The following OLFM3 variants were observed in gnomAD, a reference collection of about 807,000 sequenced individuals.
OLFM3 encodes the protein olfactomedin 3.
A neutral mutation model predicts 48.6 loss-of-function variants in OLFM3; 20 were observed. The ratio of observed to expected loss-of-function variants is 0.41; its 90% confidence interval spans 0.29 to 0.60. The LOEUF is 0.60. OLFM3 is among the 20% of genes least tolerant of loss of function. The pLI, the probability that OLFM3 is intolerant of heterozygous loss-of-function variation, is 0.28. For missense variants in OLFM3, 437 were observed against 544.3 expected (o/e 0.80, Z 1.96); for synonymous variants, 222 against 198.1 (o/e 1.12, Z -1.01).
At chr1:101,976,647 G>A (rs1439482996) in intron 1 of OLFM3, among the ~76,000 whole-genome samples, 1 of 152,108 alleles carries the variant, frequency 6.6e-6, no homozygotes, top group African/African-American at 2.4e-5. Context: ...TAAGTAAACT[G>A]AGGCTTGTAG....
chr1:101,935,136 A>G (rs1259056280), intron 1 of OLFM3, among the ~76,000 whole-genome samples: 1 of 151,958 alleles, frequency 6.6e-6, no homozygotes, highest in Non-Finnish European at 1.5e-5. Flanking sequence ...GAACTGAAGG[A>G]GGTTGATCTT....
intron 1 of OLFM3, among the ~76,000 whole-genome samples, chr1:101,990,814 C>T (rs1661377809): frequency 6.6e-6 from 1 of 150,630 alleles, no homozygotes; most frequent in South Asian, 2.1e-4. Context: ...GAGACCCCGT[C>T]TCTACTAAAA....
intron 1 of OLFM3, among the ~76,000 whole-genome samples, chr1:101,837,476 G>A (rs1204475907): frequency 6.6e-6 from 1 of 152,060 alleles, no homozygotes; most frequent in Non-Finnish European, 1.5e-5. Flanking sequence ...GTTTCAAGGA[G>A]GTTTCCCATA....
chr1:101,970,645 A>G (rs931686514), intron 1 of OLFM3, among the ~76,000 whole-genome samples: 3 of 152,192 alleles, frequency 2.0e-5, no homozygotes, highest in African/African-American at 7.2e-5. Context: ...TTAGATCCTC[A>G]CCTTCTACTG....
At chr1:101,979,591 C>A (rs984353817) in intron 1 of OLFM3, among the ~76,000 whole-genome samples, 1 of 152,086 alleles carries the variant, frequency 6.6e-6, no homozygotes, top group Non-Finnish European at 1.5e-5. Context: ...TGAGGCTTAC[C>A]CAGCAATGTG....
At chr1:101,832,539 C>A (rs1570536938) in intron 2 of OLFM3, among the ~76,000 whole-genome samples, 1 of 152,140 alleles carries the variant, frequency 6.6e-6, no homozygotes, top group East Asian at 1.9e-4. Context: ...TATCTTAAAA[C>A]TAATTGTGTT....
chr1:101,924,485 A>G (rs148704104), intron 1 of OLFM3, among the ~76,000 whole-genome samples: 2,528 of 152,302 alleles, frequency 0.017, 72 homozygotes, highest in African/African-American at 0.058. Context: ...TCACTACTAA[A>G]GTTTGAATTC....
At chr1:101,917,653 G>C (rs915213133) in intron 1 of OLFM3, among the ~76,000 whole-genome samples, 2 of 152,158 alleles carry the variant, frequency 1.3e-5, no homozygotes, top group Non-Finnish European at 2.9e-5. Flanking sequence ...CTGACCTCAA[G>C]TGATCCACGC....
At chr1:101,905,520 G>A (rs17125705) in intron 1 of OLFM3, among the ~76,000 whole-genome samples, 21,450 of 152,036 alleles carry the variant, frequency 0.14, 2,846 homozygotes, top group East Asian at 0.36. Context: ...GAGAAAGCCT[G>A]CAATTTGCTC....
intron 1 of OLFM3, among the ~76,000 whole-genome samples, chr1:101,939,575 G>T (rs577325042): frequency 6.6e-6 from 1 of 152,294 alleles, no homozygotes; most frequent in African/African-American, 2.4e-5. Flanking sequence ...TGAGAGAGAA[G>T]ATAACATTCT....
At chr1:101,907,544 G>A (rs1477659794) in intron 1 of OLFM3, among the ~76,000 whole-genome samples, 1 of 152,206 alleles carries the variant, frequency 6.6e-6, no homozygotes, top group East Asian at 1.9e-4. Context: ...AAGCGACCCA[G>A]GACACCAGGT....
intron 1 of OLFM3, among the ~76,000 whole-genome samples, chr1:101,902,780 A>C (rs1454307024): frequency 6.6e-6 from 1 of 152,114 alleles, no homozygotes; most frequent in Non-Finnish European, 1.5e-5. Flanking sequence ...TAATCTTTCC[A>C]ACAGCTCCAT....
intron 4 of OLFM3, among the ~76,000 whole-genome samples, chr1:101,814,996 T>C (rs1654259659): frequency 6.6e-6 from 1 of 152,186 alleles, no homozygotes; most frequent in Non-Finnish European, 1.5e-5. Context: ...AGATGAGTAG[T>C]CCAGTAGTCC....
intron 1 of OLFM3, among the ~76,000 whole-genome samples, chr1:101,848,414 T>C (rs1656094755): frequency 6.6e-6 from 1 of 152,154 alleles, no homozygotes. Flanking sequence ...TTATAGTGTG[T>C]GTATATTTTA....
chr1:101,816,220 C>T (rs996472286), intron 4 of OLFM3, among the ~76,000 whole-genome samples: 3 of 151,984 alleles, frequency 2.0e-5, no homozygotes, highest in African/African-American at 7.3e-5. Flanking sequence ...AGAACGTAAC[C>T]AAAGTAGCAG....
In OLFM3 at chr1:101,991,957, G is replaced by T. The variant is rs542250432; in HGVS notation, c.69+4791C>A. ...ATATTACTAACTAGACCCTACAAAA[G>T]AATTGGTTAATTTTTGATAAATGGT... On this transcript the variant is annotated intron_variant, in intron 1 of 5. Coordinates refer to ENST00000370103, the MANE Select transcript of OLFM3 (RefSeq NM_058170.4). Among the ~76,000 whole-genome samples, 5 of 152,022 alleles carry T rather than the reference G, an allele frequency of 3.3e-5. No homozygotes were observed. In the East Asian group the frequency reaches 7.7e-4, roughly 23 times the overall value.
intron 1 of OLFM3, among the ~76,000 whole-genome samples, chr1:101,906,005 T>A (rs1658538569): frequency 6.6e-6 from 1 of 152,148 alleles, no homozygotes; most frequent in Non-Finnish European, 1.5e-5. Flanking sequence ...TTTTCTCACA[T>A]CTCTTCCCTT....
intron 3 of OLFM3, among the ~76,000 whole-genome samples, chr1:101,828,904 G>A (rs1205000717): frequency 6.6e-6 from 1 of 152,154 alleles, no homozygotes; most frequent in Non-Finnish European, 1.5e-5. Flanking sequence ...ATTGAAAATT[G>A]ACATAGTAAA....
chr1:101,940,290 A>G (rs1054635185), intron 1 of OLFM3, among the ~76,000 whole-genome samples: 1 of 151,892 alleles, frequency 6.6e-6, no homozygotes, highest in Non-Finnish European at 1.5e-5. Context: ...TCAGAACCAC[A>G]ATAGAGCTGT....
Sources: allele counts gnomAD v4.1 joint callset (sites outside exome capture counted in the v4.1 genomes callset), GRCh38; gene constraint gnomAD v4.1.1; transcripts MANE v1.5; gene names NCBI Gene and HGNC (gene_info 2026-07-23, HGNC 2026-07-21).